SASH1: variants seen among roughly 807,000 people sequenced by gnomAD.
SASH1 encodes the protein SAM and SH3 domain-containing protein 1.
In SASH1, 44 loss-of-function variants were observed where a neutral mutation model predicts 125.2. The observed-to-expected ratio is 0.35, with a 90% CI of 0.28 to 0.45. The LOEUF (loss-of-function observed/expected upper bound fraction) is 0.45, where lower values mean the gene tolerates loss of function less well. Ranked by LOEUF, SASH1 falls within the 20% of genes least tolerant of loss-of-function variation. The pLI, the probability that SASH1 is intolerant of heterozygous loss-of-function variation, is 1.00. For missense variants in SASH1, 1,426 were observed against 1,614.5 expected (o/e 0.88, Z 2.00); for synonymous variants, 639 against 649.1 (o/e 0.98, Z 0.24).
chr6:148,496,196 C>T (rs9498050), intron 8 of SASH1, among the ~76,000 whole-genome samples: 3,198 of 152,172 alleles, frequency 0.021, 116 homozygotes, highest in African/African-American at 0.073. Flanking sequence ...TCTGAATAAG[C>T]GTTTTGCTTT....
chr6:148,345,385 C>G (rs1049180044), intron 1 of SASH1, among the ~76,000 whole-genome samples: 6 of 152,148 alleles, frequency 3.9e-5, no homozygotes, highest in Admixed American at 2.0e-4. Context: ...AGGGCAGATG[C>G]AGGAGCAAAG....
chr6:148,387,630 T>C lies in SASH1; in HGVS notation c.157-2504T>C, dbSNP rs866196337. Among the ~76,000 whole-genome samples the C allele has an allele frequency of 2.3e-3, 110 of 47,666 alleles. 6 individuals carry two copies. The highest frequency in any genetic ancestry group is 0.011 in the Middle Eastern group (1 of 94). The allele number at this position is 47,666 out of a possible 152,430, so 31.3% of individuals were successfully genotyped here. On this transcript the variant is annotated intron_variant, in intron 1 of 19. Coordinates refer to ENST00000367467, the MANE Select transcript of SASH1 (RefSeq NM_015278.5). ...TTTCTTTCTTTCTTTCTTTCTTTCT[T>C]TCTTTCTTTCTTTCTTTCTTTCTTT...
intron 1 of SASH1, among the ~76,000 whole-genome samples, chr6:148,313,723 G>A (rs898367000): frequency 9.9e-5 from 15 of 152,124 alleles, no homozygotes; most frequent in Non-Finnish European, 2.1e-4. Flanking sequence ...GCTGTGGCAC[G>A]TGCGGCTGCA....
intron 4 of SASH1, among the ~76,000 whole-genome samples, chr6:148,468,307 C>T (rs190204655): frequency 1.3e-5 from 2 of 152,330 alleles, no homozygotes; most frequent in Non-Finnish European, 2.9e-5. Context: ...CTGTCTTCTT[C>T]ATTTAATATT....
At chr6:148,389,972 T>G (rs1027546154) in intron 1 of SASH1, among the ~76,000 whole-genome samples, 162 bp from the exon 2 acceptor site, 4 of 152,208 alleles carry the variant, frequency 2.6e-5, no homozygotes, top group Non-Finnish European at 5.9e-5. Context: ...AGGGCTGTCC[T>G]GAGGGTTAGG....
At chr6:148,275,877 A>C (rs1293759728) in intron 1 of SASH1, among the ~76,000 whole-genome samples, 1 of 152,024 alleles carries the variant, frequency 6.6e-6, no homozygotes, top group African/African-American at 2.4e-5. Context: ...ATGCATGATC[A>C]CACCCAGCTG....
At chr6:148,525,797 A>G (rs1470563824) in intron 11 of SASH1, among the ~76,000 whole-genome samples, 1 of 152,094 alleles carries the variant, frequency 6.6e-6, no homozygotes, top group East Asian at 1.9e-4. Context: ...CAGTCTTATT[A>G]TGGGCCCAGT....
chr6:148,386,357 C>T (rs10457832), intron 1 of SASH1, among the ~76,000 whole-genome samples: 52,568 of 151,996 alleles, frequency 0.35, 9,447 homozygotes, highest in Admixed American at 0.4. Flanking sequence ...GTTTTTTTCC[C>T]AGTGGTCTTG....
the SASH1 span, among the ~76,000 whole-genome samples, chr6:148,242,645 C>T: frequency 3.9e-4 from 60 of 152,272 alleles, no homozygotes; most frequent in Non-Finnish European, 7.1e-4. Context: ...GAGATGACCT[C>T]AATATTCCAT....
At chr6:148,231,861 A>C in the SASH1 span, among the ~76,000 whole-genome samples, 1 of 152,174 alleles carries the variant, frequency 6.6e-6, no homozygotes, top group South Asian at 2.1e-4. Context: ...TCATCATTGG[A>C]AGGAAGAAGA....
Position 148,471,420 on chromosome 6 carries a change from A to G in SASH1, c.431A>G (p.Lys144Arg). Residue 144 changes from lysine to arginine, a missense_variant, in exon 6 of 20, where the codon AAA (lysine) becomes AGA (arginine). Coordinates refer to ENST00000367467, the MANE Select transcript of SASH1 (RefSeq NM_015278.5). ...KSNSEDSSVG[K>R]GDWKKKNKYF... ...TTTTTTTTTTTTTTTTTTTAAGGAAAAGGAGACTGGAAGAAGAAAAATAAG... is the reference window on the plus strand; with the variant it reads ...TTTTTTTTTTTTTTTTTTTAAGGAAGAGGAGACTGGAAGAAGAAAAATAAG... 7.6e-7 allele frequency: 1 copy of G among 1,308,404 alleles called. No homozygotes were observed. The highest frequency in any genetic ancestry group is 1.1e-6 in the Non-Finnish European group (1 of 941,520). The allele number at this position is 1,308,404 out of a possible 1,614,324, so 81.0% of individuals were successfully genotyped here. A position where few individuals can be genotyped will look rare whatever the true frequency, so the allele number is the denominator to read the frequency against.
intron 2 of SASH1, among the ~76,000 whole-genome samples, chr6:148,415,761 A>G (rs918861702): frequency 1.3e-5 from 2 of 152,190 alleles, no homozygotes; most frequent in Non-Finnish European, 2.9e-5. Context: ...GGAAGCCCAC[A>G]TCCATGGCTC....
At chr6:148,452,444 C>T (rs150865484) in intron 4 of SASH1, among the ~76,000 whole-genome samples, 1 of 152,300 alleles carries the variant, frequency 6.6e-6, no homozygotes, top group East Asian at 1.9e-4. Flanking sequence ...CTAAAGCATG[C>T]CCTGCACCGA....
rs1554272842 is a variant in SASH1, at chr6:148,538,204, A to AGGCTGGGGTCC, written c.2096-2238_2096-2228dup. Among the ~76,000 whole-genome samples, 5 of 152,096 alleles carry AGGCTGGGGTCC rather than the reference A, an allele frequency of 3.3e-5. No individual in the cohort carries two copies. The East Asian group carries it at 9.7e-4, about 29-fold the overall frequency. On this transcript the variant is annotated intron_variant, in intron 16 of 19. Transcript: ENST00000367467. The stretch of plus-strand genomic sequence containing the variant: ...TTCAGGTATTCTGCTGTGTCTGCTG[A>AGGCTGGGGTCC]GGCTGGGGTCCCCAAAGATGCAGGC...
At chr6:148,376,135 A>T (rs1782881769) in intron 1 of SASH1, among the ~76,000 whole-genome samples, 1 of 152,080 alleles carries the variant, frequency 6.6e-6, no homozygotes, top group South Asian at 2.1e-4. Context: ...TACAATCTCC[A>T]ACCTCACTGC....
At chr6:148,268,505 C>A (rs76893978), upstream of SASH1, among the ~76,000 whole-genome samples, 62 of 152,312 alleles carry the variant, frequency 4.1e-4, no homozygotes, top group African/African-American at 1.5e-3. Context: ...TTGTAAAACT[C>A]TGCTCAACTC....
chr6:148,307,024 TTTTCTTTCTTTCTTTC>T (rs55686327), intron 1 of SASH1, among the ~76,000 whole-genome samples: 6,545 of 120,646 alleles, frequency 0.054, 208 homozygotes, highest in Middle Eastern at 0.066. Flanking sequence ...TTTCTCTTTC[TTTTCTTTCTTTCTTTC>T]TTTCTTTCTT....
chr6:148,459,125 C>T (rs185063789), intron 4 of SASH1, among the ~76,000 whole-genome samples: 2 of 152,210 alleles, frequency 1.3e-5, no homozygotes, highest in Admixed American at 1.3e-4. Context: ...GGTGCTGTTA[C>T]TGTCAATAGT....
At chr6:148,375,324 A>AG (rs1310944296) in intron 1 of SASH1, among the ~76,000 whole-genome samples, 1 of 152,078 alleles carries the variant, frequency 6.6e-6, no homozygotes, top group African/African-American at 2.4e-5. Flanking sequence ...ACAGAGACAT[A>AG]GAGATACATT....
Sources: allele counts gnomAD v4.1 joint callset (sites outside exome capture counted in the v4.1 genomes callset), GRCh38; gene constraint gnomAD v4.1.1; transcripts MANE v1.5; gene names NCBI Gene and HGNC (gene_info 2026-07-23, HGNC 2026-07-21).